The following TMEM117 variants were observed in gnomAD, a reference collection of about 807,000 sequenced individuals.
The protein encoded by TMEM117 is transmembrane protein 117.
TMEM117 carries 27 observed loss-of-function variants against 52.4 expected under a neutral mutation model. That is an observed-to-expected ratio of 0.51 (90% CI 0.38 to 0.71). TMEM117 has a LOEUF of 0.71. Among genes scored for constraint, TMEM117 ranks in the 30% least tolerant of loss-of-function variants. The pLI, the probability that TMEM117 is intolerant of heterozygous loss-of-function variation, is 0.00. For missense variants in TMEM117, 556 were observed against 630.5 expected (o/e 0.88, Z 1.26); for synonymous variants, 215 against 206.3 (o/e 1.04, Z -0.36).
the TMEM117 span, among the ~76,000 whole-genome samples, chr12:43,830,606 G>A: frequency 6.0e-4 from 75 of 124,182 alleles, no homozygotes; most frequent in African/African-American, 2.8e-3. Context: ...CAAGACACTT[G>A]TCTCAAAAAA....
At chr12:44,272,050 T>G (rs1950452924) in intron 5 of TMEM117, among the ~76,000 whole-genome samples, 1 of 152,030 alleles carries the variant, frequency 6.6e-6, no homozygotes, top group Non-Finnish European at 1.5e-5. Context: ...CTCATACTCG[T>G]TAGAGTGGCT....
chr12:43,803,694 A>G, the TMEM117 span, among the ~76,000 whole-genome samples: 62,816 of 151,904 alleles, frequency 0.41, 13,565 homozygotes, highest in East Asian at 0.59. Context: ...TTTACAATAT[A>G]CATATATTCC....
intron 2 of TMEM117, among the ~76,000 whole-genome samples, chr12:43,924,432 T>A (rs2137563990): frequency 6.6e-6 from 1 of 152,298 alleles, no homozygotes; most frequent in East Asian, 1.9e-4. Flanking sequence ...TATGATACAT[T>A]ATGTGAATTA....
At chr12:44,227,147 T>C (rs1592622839) in intron 5 of TMEM117, among the ~76,000 whole-genome samples, 2 of 152,238 alleles carry the variant, frequency 1.3e-5, no homozygotes, top group Non-Finnish European at 1.5e-5. Context: ...CATTACAGGG[T>C]CATAGCAGTA....
chr12:43,902,265 A>G (rs1944316207), intron 2 of TMEM117, among the ~76,000 whole-genome samples: 1 of 152,210 alleles, frequency 6.6e-6, no homozygotes, highest in Non-Finnish European at 1.5e-5. Flanking sequence ...AGATTATTTC[A>G]GGAAGATACT....
At chr12:43,797,164 A>C in the TMEM117 span, 8 of 1,493,912 alleles carry the variant, frequency 5.4e-6, no homozygotes, top group South Asian at 1.0e-4. Flanking sequence ...AACTACATAT[A>C]TAAACTTCAT....
chr12:44,384,017 A>G (rs141739544), intron 7 of TMEM117, among the ~76,000 whole-genome samples: 25 of 152,282 alleles, frequency 1.6e-4, no homozygotes, highest in South Asian at 1.2e-3. Flanking sequence ...AGGATTATCT[A>G]GCTCAACTCC....
chr12:44,262,281 C>T (rs1317915489), intron 5 of TMEM117, among the ~76,000 whole-genome samples: 1 of 152,134 alleles, frequency 6.6e-6, no homozygotes, highest in Non-Finnish European at 1.5e-5. Context: ...ATATACTATA[C>T]TCATACATTG....
intron 4 of TMEM117, among the ~76,000 whole-genome samples, chr12:44,203,990 T>C (rs994214012): frequency 3.9e-5 from 6 of 152,096 alleles, no homozygotes; most frequent in African/African-American, 1.4e-4. Flanking sequence ...TATGGATGCA[T>C]TTCCCCTGAG....
chr12:44,209,040 A>G (rs946982551), intron 4 of TMEM117, among the ~76,000 whole-genome samples: 2 of 152,078 alleles, frequency 1.3e-5, no homozygotes, highest in African/African-American at 4.8e-5. Flanking sequence ...AACAAGAAAT[A>G]TTTATTTACC....
chr12:44,286,761 A>G (rs1300991591), intron 5 of TMEM117, among the ~76,000 whole-genome samples: 2 of 152,234 alleles, frequency 1.3e-5, no homozygotes, highest in Non-Finnish European at 2.9e-5. Flanking sequence ...CTCTAATCCC[A>G]TATATAATAA....
the TMEM117 span, among the ~76,000 whole-genome samples, chr12:43,798,908 T>C: frequency 2.6e-5 from 4 of 152,056 alleles, no homozygotes; most frequent in African/African-American, 9.7e-5. Flanking sequence ...CAAAATAATA[T>C]GGCTGAAATT....
intron 3 of TMEM117, among the ~76,000 whole-genome samples, chr12:44,114,207 C>T (rs1023504235): frequency 2.0e-5 from 3 of 152,032 alleles, no homozygotes; most frequent in Non-Finnish European, 4.4e-5. Context: ...CGGAGCTGTT[C>T]CTATTCGGCC....
intron 3 of TMEM117, among the ~76,000 whole-genome samples, chr12:44,087,506 T>C (rs1947591072): frequency 6.6e-6 from 1 of 152,084 alleles, no homozygotes; most frequent in Non-Finnish European, 1.5e-5. Context: ...TTGTTAATCA[T>C]GTTGGAGTGC....
intron 3 of TMEM117, among the ~76,000 whole-genome samples, chr12:43,989,274 T>C (rs991979828): frequency 3.3e-5 from 5 of 152,126 alleles, no homozygotes; most frequent in Admixed American, 6.6e-5. Flanking sequence ...CTTGGGCGTA[T>C]GTTTATATTA....
At chr12:44,162,933 A>T (rs1168579394) in intron 4 of TMEM117, among the ~76,000 whole-genome samples, 2 of 152,310 alleles carry the variant, frequency 1.3e-5, no homozygotes, top group East Asian at 3.9e-4. Context: ...GTGTATTTTG[A>T]CTGGTCACCA....
chr12:43,915,630 CTAATT>C (rs1565749250), intron 2 of TMEM117, among the ~76,000 whole-genome samples: 1 of 151,656 alleles, frequency 6.6e-6, no homozygotes, highest in Non-Finnish European at 1.5e-5. Context: ...CTAGAATTGT[CTAATT>C]TAAAGGCCTG....
chr12:44,069,551 CA>C (rs1225353576), intron 3 of TMEM117, among the ~76,000 whole-genome samples: 2 of 152,050 alleles, frequency 1.3e-5, no homozygotes, highest in East Asian at 3.9e-4. Context: ...GGGAAGATAG[CA>C]GGAGATGAGG....
intron 5 of TMEM117, among the ~76,000 whole-genome samples, chr12:44,259,393 A>G (rs556009681): frequency 6.6e-6 from 1 of 152,244 alleles, no homozygotes; most frequent in South Asian, 2.1e-4. Context: ...AAAGCTTACT[A>G]AAGGGACTGA....
Sources: allele counts gnomAD v4.1 joint callset (sites outside exome capture counted in the v4.1 genomes callset), GRCh38; gene constraint gnomAD v4.1.1; transcripts MANE v1.5; gene names NCBI Gene and HGNC (gene_info 2026-07-23, HGNC 2026-07-21).